The following EEIG1 variants were observed in gnomAD, a reference collection of about 807,000 sequenced individuals.
EEIG1 encodes the protein early estrogen-induced gene 1 protein.
At chr9:127,956,645 A>C in the EEIG1 span, among the ~76,000 whole-genome samples, 58 of 152,204 alleles carry the variant, frequency 3.8e-4, no homozygotes, top group Middle Eastern at 3.4e-3. Flanking sequence ...TCCTGACCTC[A>C]GGTGATCTGC....
the EEIG1 span, among the ~76,000 whole-genome samples, chr9:127,975,728 T>C: frequency 1.3e-5 from 2 of 152,098 alleles, no homozygotes; most frequent in African/African-American, 4.8e-5. Context: ...TCCTCTCCCC[T>C]GGCACCACCA....
chr9:127,974,480 C>A, the EEIG1 span, among the ~76,000 whole-genome samples: 1 of 152,340 alleles, frequency 6.6e-6, no homozygotes, highest in South Asian at 2.1e-4. Flanking sequence ...TCTTTCCTGT[C>A]CAATTCCCCT....
the EEIG1 span, among the ~76,000 whole-genome samples, chr9:127,959,647 T>C: frequency 6.6e-6 from 1 of 152,200 alleles, no homozygotes; most frequent in African/African-American, 2.4e-5. Context: ...CTGATGGTTT[T>C]ATAAGGGGCT....
At chr9:127,953,049 GA>G in the EEIG1 span, among the ~76,000 whole-genome samples, 1 of 152,122 alleles carries the variant, frequency 6.6e-6, no homozygotes, top group Admixed American at 6.5e-5. Flanking sequence ...AGAATTGTTT[GA>G]ACCTAGGAGG....
chr9:127,980,238 G>A, the EEIG1 span: 1 of 1,331,500 alleles, frequency 7.5e-7, no homozygotes, highest in Non-Finnish European at 1.0e-6. Flanking sequence ...CACCAGAGCC[G>A]GATCCCGCCC....
At chr9:127,968,920 C>A in the EEIG1 span, among the ~76,000 whole-genome samples, 1 of 152,190 alleles carries the variant, frequency 6.6e-6, no homozygotes, top group Admixed American at 6.5e-5. Flanking sequence ...ACTCACAGAC[C>A]AATCCTGGAC....
At chr9:127,975,341 C>T in the EEIG1 span, among the ~76,000 whole-genome samples, 2 of 152,166 alleles carry the variant, frequency 1.3e-5, no homozygotes, top group Non-Finnish European at 2.9e-5. Context: ...AAAGACTGCC[C>T]AAATCAAAAG....
chr9:127,975,479 T>G, the EEIG1 span, among the ~76,000 whole-genome samples: 3 of 151,890 alleles, frequency 2.0e-5, no homozygotes, highest in Non-Finnish European at 4.4e-5. Context: ...AAGGACCCCC[T>G]CCCCGTTCTG....
At chr9:127,976,057 G>A in the EEIG1 span, among the ~76,000 whole-genome samples, 4 of 152,284 alleles carry the variant, frequency 2.6e-5, no homozygotes, top group South Asian at 8.3e-4. This position sits in a 1 kb window ranked among gnomAD's most constrained non-coding sequence, Gnocchi z 4.1. Flanking sequence ...TGGACCTCAC[G>A]AAACCTACCA....
chr9:127,977,819 A>G, the EEIG1 span, among the ~76,000 whole-genome samples: 1 of 152,190 alleles, frequency 6.6e-6, no homozygotes, highest in African/African-American at 2.4e-5. Flanking sequence ...ACATGGGGAT[A>G]ATAATCCTAT....
the EEIG1 span, chr9:127,941,679 C>A: frequency 6.6e-6 from 1 of 152,142 alleles, no homozygotes; most frequent in African/African-American, 2.4e-5. Flanking sequence ...AGGGAAGGAA[C>A]CCTCCCAGCC....
the EEIG1 span, among the ~76,000 whole-genome samples, chr9:127,966,266 CCTG>C: frequency 6.6e-6 from 1 of 152,062 alleles, no homozygotes; most frequent in Non-Finnish European, 1.5e-5. Context: ...AGGTCTGAAT[CCTG>C]CTGCTCACCG....
At chr9:127,948,047 G>A in the EEIG1 span, 2 of 1,599,050 alleles carry the variant, frequency 1.3e-6, no homozygotes, top group Non-Finnish European at 1.7e-6. Flanking sequence ...AGCAGGGGAG[G>A]GGCGGACAGA....
chr9:127,944,469 A>C, the EEIG1 span: 12 of 654,818 alleles, frequency 1.8e-5, no homozygotes, highest in South Asian at 2.1e-4. Flanking sequence ...CAGATGGGGA[A>C]AGGGAGGTTC....
chr9:127,980,399 G>A, the EEIG1 span: 3 of 358,412 alleles, frequency 8.4e-6, no homozygotes, highest in Admixed American at 4.5e-5. Context: ...CATGTAAACA[G>A]CAGGGCATGG....
chr9:127,942,011 G>A, the EEIG1 span: 1 of 152,722 alleles, frequency 6.5e-6, no homozygotes, highest in African/African-American at 2.4e-5. Context: ...TTGGGGGAAA[G>A]TGCTGAGAGC....
the EEIG1 span, among the ~76,000 whole-genome samples, chr9:127,956,690 C>G: frequency 6.6e-6 from 1 of 151,370 alleles, no homozygotes; most frequent in African/African-American, 2.4e-5. Context: ...GGATTACAGG[C>G]GTGAGCCACC....
the EEIG1 span, among the ~76,000 whole-genome samples, chr9:127,976,139 G>C: frequency 1.3e-5 from 2 of 152,222 alleles, no homozygotes; most frequent in African/African-American, 2.4e-5. This position sits in a 1 kb window ranked among gnomAD's most constrained non-coding sequence, Gnocchi z 4.1. Flanking sequence ...CTTTCTCAAA[G>C]GTCTGGGGCT....
At chr9:127,958,952 T>G in the EEIG1 span, among the ~76,000 whole-genome samples, 3 of 152,190 alleles carry the variant, frequency 2.0e-5, no homozygotes, top group East Asian at 5.8e-4. Flanking sequence ...ATTAGGGAAA[T>G]GAAAATCAAA....
Sources: gnomAD v4.1 joint callset for allele counts (sites outside exome capture counted in the v4.1 genomes callset) on GRCh38, gnomAD v4.1.1 for gene constraint, Gnocchi (gnomAD v3.1) non-coding constraint, MANE v1.5 for transcripts, NCBI Gene and HGNC (gene_info 2026-07-23, HGNC 2026-07-21) for gene names.